Variants in GADL1 observed in about 807,000 individuals in gnomAD.
GADL1 encodes the protein GAD like acidic amino acid decarboxylase 1.
In GADL1, 71 loss-of-function variants were observed where a neutral mutation model predicts 69.5. That is an observed-to-expected ratio of 1.02 (90% CI 0.84 to 1.25). The LOEUF is 1.25. Among genes scored for constraint, GADL1 ranks in the 50% most tolerant of loss-of-function variants. The pLI is 0.00. For synonymous variants in GADL1, 254 were observed against 214.4 expected (o/e 1.18, Z -1.62); for missense variants, 737 against 631.8 (o/e 1.17, Z -1.79).
At chr3:30,797,723 G>C (rs1697073822) in intron 12 of GADL1, 1 of 151,198 alleles carries the variant, frequency 6.6e-6, no homozygotes, top group South Asian at 2.1e-4. Context: ...TGTTTTTCCA[G>C]AGTCAGGCAT....
intron 14 of GADL1, among the ~76,000 whole-genome samples, chr3:30,764,218 T>C (rs2125487498): frequency 2.7e-5 from 3 of 111,160 alleles, no homozygotes; most frequent in African/African-American, 6.8e-5. Flanking sequence ...GAAGAAAAAT[T>C]CTCTTAAGAG....
Position 30,850,014 on chromosome 3 carries a change from G to C in GADL1, c.633C>G (p.Ile211Met). Residue 211 changes from isoleucine (I) to methionine (M), a missense_variant, in exon 6 of 15, where the codon ATC becomes ATG. Transcript: ENST00000282538. ...TTTTTACCTCTGCAGATGTGAAAAG[G>C]ATTAATCTTGGCGAACCAGACAGCC... ...EKGLSGSPRL[I>M]LFTSAECHYS... 6.3e-7 allele frequency: 1 copy of C among 1,597,520 alleles called. No individual in the cohort carries two copies. Among genetic ancestry groups the C allele is most frequent in the Non-Finnish European group, 8.6e-7 (1 of 1,165,354 alleles).
intron 8 of GADL1, among the ~76,000 whole-genome samples, chr3:30,842,946 T>C (rs1697992528): frequency 6.6e-6 from 1 of 150,666 alleles, no homozygotes; most frequent in African/African-American, 2.4e-5. Flanking sequence ...CAGGACTAGG[T>C]AGTTTTTATG....
At chr3:30,800,833 ACACACAC>A in intron 12 of GADL1, 49 bp downstream of exon 12, 3 of 1,194,646 alleles carry the variant, frequency 2.5e-6, no homozygotes, top group Non-Finnish European at 2.4e-6. Flanking sequence ...ACACACACAC[ACACACAC>A]ACACACACAC....
chr3:30,805,210 T>G (rs1697229286), intron 11 of GADL1, among the ~76,000 whole-genome samples: 1 of 152,228 alleles, frequency 6.6e-6, no homozygotes, highest in African/African-American at 2.4e-5. Flanking sequence ...TTGTACATTT[T>G]GCAACACAGC....
At chr3:30,798,128 C>T (rs979613592) in intron 12 of GADL1, 1 of 152,248 alleles carries the variant, frequency 6.6e-6, no homozygotes, top group African/African-American at 2.4e-5. Flanking sequence ...CCACAACTCA[C>T]AGATCATTTG....
chr3:30,767,076 CTGTAATCCCCAT>C (rs1234358088), intron 14 of GADL1, among the ~76,000 whole-genome samples: 72 of 152,166 alleles, frequency 4.7e-4, no homozygotes, highest in South Asian at 8.3e-4. Flanking sequence ...TGCTTAAATA[CTGTAATCCCCAT>C]CAAAGTTCTG....
At chr3:30,806,374 G>T (rs1363219524) in intron 11 of GADL1, among the ~76,000 whole-genome samples, 1 of 152,164 alleles carries the variant, frequency 6.6e-6, no homozygotes, top group Non-Finnish European at 1.5e-5. Flanking sequence ...GTTAATATTT[G>T]TTGGCGTAAT....
chr3:30,856,972 C>CTTG, intron 3 of GADL1, 43 bp downstream of exon 3: 1 of 1,508,002 alleles, frequency 6.6e-7, no homozygotes. Flanking sequence ...AACATAAGAA[C>CTTG]TTGTCAGAGG....
chr3:30,741,396 C>T lies in GADL1; in HGVS notation c.1393-12981G>A, dbSNP rs61013531. On this transcript the variant is annotated intron_variant, in intron 14 of 14. Transcript: ENST00000282538. The stretch of plus-strand genomic sequence containing the variant: ...CCCCACATTTAACCAGTAGTCTCAA[C>T]ACTGCTGATGGAACAAGCCTGCCTT... 3.9e-3 allele frequency among the ~76,000 whole-genome samples: 589 copies of T among 152,080 alleles called. 20 individuals carry two copies. In the East Asian group the frequency reaches 0.095, roughly 25 times the overall value.
At chr3:30,841,229 G>C (rs1179925496) in intron 8 of GADL1, among the ~76,000 whole-genome samples, 1 of 152,178 alleles carries the variant, frequency 6.6e-6, no homozygotes, top group Non-Finnish European at 1.5e-5. Context: ...GTGAATCCAG[G>C]CTCAAGTATT....
At chr3:30,845,354 G>A (rs1698036783) in intron 6 of GADL1, among the ~76,000 whole-genome samples, 1 of 152,060 alleles carries the variant, frequency 6.6e-6, no homozygotes, top group Non-Finnish European at 1.5e-5. Context: ...AGGACAGGTG[G>A]TCAATTAATT....
chr3:30,845,595 C>A (rs1048104762), intron 6 of GADL1, among the ~76,000 whole-genome samples: 4 of 151,934 alleles, frequency 2.6e-5, no homozygotes, highest in Admixed American at 1.3e-4. Flanking sequence ...AAAAATGAAA[C>A]CGTTCTAAAT....
chr3:30,729,817 T>G (rs1436132280), intron 14 of GADL1, among the ~76,000 whole-genome samples: 2 of 152,220 alleles, frequency 1.3e-5, no homozygotes, highest in African/African-American at 4.8e-5. Flanking sequence ...AATTTTAGAA[T>G]ATAAGTCTTG....
chr3:30,835,405 G>C (rs1697857791), intron 9 of GADL1, among the ~76,000 whole-genome samples: 1 of 152,012 alleles, frequency 6.6e-6, no homozygotes, highest in Admixed American at 6.6e-5. Flanking sequence ...GGCATGGTTG[G>C]CTGCACCACA....
At chr3:30,752,000 A>G (rs1449670678) in intron 14 of GADL1, among the ~76,000 whole-genome samples, 2 of 142,596 alleles carry the variant, frequency 1.4e-5, no homozygotes, top group African/African-American at 5.7e-5. Context: ...TCTAAATAAG[A>G]TAGGACGATT....
At position 30,786,511 on chromosome 3, in the gene GADL1, G is replaced by A. The variant is rs1696793690; in HGVS notation, c.1251-105C>T. 10 of 691,502 alleles carry A rather than the reference G, an allele frequency of 1.4e-5. No individual in the cohort carries two copies. The South Asian group carries it at 1.6e-4, about 11-fold the overall frequency. The allele number at this position is 691,502 out of a possible 1,614,324, so 42.8% of individuals were successfully genotyped here. A position where few individuals can be genotyped will look rare whatever the true frequency, so the allele number is the denominator to read the frequency against. On this transcript the variant is annotated intron_variant, in intron 12 of 14. Coordinates refer to ENST00000282538, the MANE Select transcript of GADL1 (RefSeq NM_207359.3). ...TCAGACAGGGCTTGGAGATAAGAAAGATACAGATAAAGGTCAAGGAACAGG... is the reference window on the plus strand; with the variant it reads ...TCAGACAGGGCTTGGAGATAAGAAAAATACAGATAAAGGTCAAGGAACAGG...
chr3:30,852,199 A>T (rs1698158757), intron 4 of GADL1, among the ~76,000 whole-genome samples: 1 of 152,164 alleles, frequency 6.6e-6, no homozygotes, highest in African/African-American at 2.4e-5. Flanking sequence ...TCAACTCTAC[A>T]GATGTTATGC....
chr3:30,734,405 T>G (rs144234899), intron 14 of GADL1, among the ~76,000 whole-genome samples: 200 of 152,266 alleles, frequency 1.3e-3, no homozygotes, highest in Middle Eastern at 3.4e-3. Context: ...TGCCTGTAAA[T>G]ATGAACTGGA....
Sources: allele counts gnomAD v4.1 joint callset (sites outside exome capture counted in the v4.1 genomes callset), GRCh38; gene constraint gnomAD v4.1.1; transcripts MANE v1.5; gene names NCBI Gene and HGNC (gene_info 2026-07-23, HGNC 2026-07-21).